DOCK8: variants seen among roughly 807,000 people sequenced by gnomAD.
DOCK8 encodes the protein dedicator of cytokinesis 8.
Under a neutral mutation model 245.6 loss-of-function variants are expected in DOCK8, and 141 were observed. The observed-to-expected ratio is 0.57, with a 90% CI of 0.50 to 0.66. DOCK8 has a LOEUF of 0.66. Ranked by LOEUF, DOCK8 falls within the 30% of genes least tolerant of loss-of-function variation. DOCK8 has a pLI of 0.00. For missense variants in DOCK8, 2,965 were observed against 2,603.4 expected (o/e 1.14, Z -3.02); for synonymous variants, 1,168 against 970.2 (o/e 1.20, Z -3.79).
chr9:371,981 A>T lies in DOCK8; in HGVS notation c.2008-204A>T, dbSNP rs191559946. ...AGAAAAATGCTACTGCTTTAGCTCCAAAAGCAATAAATCATCAATATTACC... is the reference window on the plus strand; with the variant it reads ...AGAAAAATGCTACTGCTTTAGCTCCTAAAGCAATAAATCATCAATATTACC... On this transcript the variant is annotated intron_variant, in intron 17 of 47. Coordinates refer to ENST00000432829, the MANE Select transcript of DOCK8 (RefSeq NM_203447.4). Among the ~76,000 whole-genome samples, 14 of 152,372 alleles carry T rather than the reference A, an allele frequency of 9.2e-5. 1 individual carries two copies. The East Asian group carries it at 2.7e-3, about 29-fold the overall frequency.
chr9:417,515 A>G (rs1176316405), intron 29 of DOCK8, among the ~76,000 whole-genome samples: 2 of 152,192 alleles, frequency 1.3e-5, no homozygotes, highest in Non-Finnish European at 2.9e-5. Context: ...TTTTGATTGT[A>G]TACTGGTAGC....
Position 400,932 on chromosome 9 carries a change from C to T in DOCK8, c.3234+1673C>T, listed in dbSNP as rs557538052. On this transcript the variant is annotated intron_variant, in intron 26 of 47. Transcript: ENST00000432829. The stretch of plus-strand genomic sequence containing the variant: ...AACAGCTCCTTCACCATCACCACAA[C>T]ATCCACCACCACCATCACCACCACC... Among the ~76,000 whole-genome samples the T allele has an allele frequency of 9.0e-3, 422 of 46,902 alleles. 13 individuals are homozygous for T. Among genetic ancestry groups the T allele is most frequent in the African/African-American group, 0.054 (156 of 2,866 alleles). 30.8% of individuals were successfully genotyped at this position (46,902 alleles called of 152,430 possible).
At chr9:292,237 G>T (rs1202993457) in intron 4 of DOCK8, among the ~76,000 whole-genome samples, 1 of 150,668 alleles carries the variant, frequency 6.6e-6, no homozygotes, top group African/African-American at 2.4e-5. Flanking sequence ...GGGCATGGTG[G>T]TGCATGTCTG....
chr9:224,214 A>G (rs2046942909), intron 1 of DOCK8, among the ~76,000 whole-genome samples: 1 of 152,190 alleles, frequency 6.6e-6, no homozygotes, highest in South Asian at 2.1e-4. Flanking sequence ...ACTCCTTAAT[A>G]TTATAACCAC....
At position 407,032 on chromosome 9, in the gene DOCK8, AC is replaced by A. The variant is rs113944762; in HGVS notation, c.3494del (p.Thr1165LysfsTer29). On this transcript the variant is annotated frameshift_variant, in exon 28 of 48. Coordinates refer to ENST00000432829, the MANE Select transcript of DOCK8 (RefSeq NM_203447.4). LOFTEE classifies it high-confidence loss of function. ...QQHFLTGLLF[T>X]ELAAALDAEG... Reference sequence around the variant, plus strand: ...GCACTTCCTCACCGGGCTCCTCTTCACAGAACTGGCTGCTGCCCTGGATGCC... The same window carrying A: ...GCACTTCCTCACCGGGCTCCTCTTCAAGAACTGGCTGCTGCCCTGGATGCC... 6.2e-7 allele frequency: 1 copy of A among 1,613,908 alleles called. No homozygotes were observed. The highest frequency in any genetic ancestry group is 8.5e-7 in the Non-Finnish European group (1 of 1,180,016).
chr9:219,295 C>A (rs189943955), intron 1 of DOCK8, among the ~76,000 whole-genome samples: 15 of 152,138 alleles, frequency 9.9e-5, no homozygotes, highest in Non-Finnish European at 1.6e-4. Context: ...CATGGCGAAA[C>A]CCCGTCTCTA....
intron 4 of DOCK8, among the ~76,000 whole-genome samples, chr9:293,213 C>A (rs2049119575): frequency 6.6e-6 from 1 of 152,150 alleles, no homozygotes; most frequent in Admixed American, 6.6e-5. Flanking sequence ...TTCTATCCCT[C>A]TGCCTCATTC....
intron 1 of DOCK8, among the ~76,000 whole-genome samples, chr9:265,141 A>G (rs903418268): frequency 2.0e-5 from 3 of 152,192 alleles, no homozygotes; most frequent in Non-Finnish European, 4.4e-5. Flanking sequence ...CATGTTGGCC[A>G]GGCTGGTCTT....
At chr9:437,435 T>C (rs1481772832) in intron 39 of DOCK8, among the ~76,000 whole-genome samples, 2 of 152,204 alleles carry the variant, frequency 1.3e-5, no homozygotes, top group Non-Finnish European at 2.9e-5. Flanking sequence ...GAACATCTGA[T>C]CCTGTGCTCA....
At position 360,816 on chromosome 9, in the gene DOCK8, A is replaced by G. The variant is rs545994392; in HGVS notation, c.1680-7202A>G. On this transcript the variant is annotated intron_variant, in intron 14 of 47. Transcript: ENST00000432829. ...TCAAGCACTTGGTAACTGGTAAGCA[A>G]ATGGATTTTAGTCACTAAATGGAGC... 9.6e-4 allele frequency among the ~76,000 whole-genome samples: 146 copies of G among 152,224 alleles called. 1 individual carries two copies. The highest frequency in any genetic ancestry group is 3.4e-3 in the Middle Eastern group (1 of 294).
At chr9:407,405 G>C (rs1390291064) in intron 28 of DOCK8, among the ~76,000 whole-genome samples, 1 of 152,200 alleles carries the variant, frequency 6.6e-6, no homozygotes, top group Non-Finnish European at 1.5e-5. Flanking sequence ...TTTAACAAAG[G>C]GGATAGCATG....
At position 382,484 on chromosome 9, in the gene DOCK8, T is replaced by C. The variant is rs2053761229; in HGVS notation, c.2606-29T>C. The C allele has an allele frequency of 3.1e-6, 5 of 1,612,954 alleles. No homozygotes were observed. In the East Asian group the frequency reaches 1.1e-4, roughly 36 times the overall value. On this transcript the variant is annotated intron_variant, in intron 21 of 47. Coordinates refer to ENST00000432829, the MANE Select transcript of DOCK8 (RefSeq NM_203447.4). ...GTAAGTAACTCTGTTCCCCTGTCTGTTGACATGTCTCTGCCTGGTGGGGTG... is the reference window on the plus strand; with the variant it reads ...GTAAGTAACTCTGTTCCCCTGTCTGCTGACATGTCTCTGCCTGGTGGGGTG...
rs2047902250 is a variant in DOCK8, at chr9:260,870, C to G, written c.54-10757C>G. Among the ~76,000 whole-genome samples the G allele has an allele frequency of 1.1e-4, 16 of 152,240 alleles. 1 individual carries two copies. The South Asian group carries it at 3.3e-3, about 32-fold the overall frequency. Reference sequence around the variant, plus strand: ...CTCCTCCATAATAAAAAGGAATGAACAATGGGTGAACACTACAACATAGAC... The same window carrying G: ...CTCCTCCATAATAAAAAGGAATGAAGAATGGGTGAACACTACAACATAGAC... On this transcript the variant is annotated intron_variant, in intron 1 of 47. Transcript: ENST00000432829.
At chr9:319,879 TCTCAG>T (rs1303751717) in intron 7 of DOCK8, among the ~76,000 whole-genome samples, 1 of 152,230 alleles carries the variant, frequency 6.6e-6, no homozygotes, top group African/African-American at 2.4e-5. Flanking sequence ...TGAAAAGTAA[TCTCAG>T]CTCTTAGGAG....
intron 24 of DOCK8, among the ~76,000 whole-genome samples, chr9:390,852 C>A (rs2054161568): frequency 6.6e-6 from 1 of 152,156 alleles, no homozygotes; most frequent in Non-Finnish European, 1.5e-5. Context: ...CTTTTTCCTG[C>A]CTGTATCCAT....
chr9:458,066 C>T (rs2057697091), intron 46 of DOCK8: 1 of 152,172 alleles, frequency 6.6e-6, no homozygotes, highest in South Asian at 2.1e-4. Context: ...TATTCAGTTG[C>T]TAGTAACAGA....
rs1157734404 is a variant in DOCK8, at chr9:451,928, T to C, written c.5962-83T>C. On this transcript the variant is annotated intron_variant, in intron 45 of 47. Transcript: ENST00000432829. ...ATACATATGCATATACATATATATG[T>C]ATGTGTATATATATATGTGTGTGTG... 2.3e-4 allele frequency: 70 copies of C among 302,766 alleles called. No individual in the cohort carries two copies. In the East Asian group the frequency reaches 3.6e-3, roughly 16 times the overall value. 18.8% of individuals were successfully genotyped at this position (302,766 alleles called of 1,614,324 possible).
At chr9:395,608 C>T (rs561325732) in intron 24 of DOCK8, among the ~76,000 whole-genome samples, 95 of 152,056 alleles carry the variant, frequency 6.2e-4, no homozygotes, top group African/African-American at 2.2e-3. Context: ...TACATGAAAA[C>T]GTTTTCAGAG....
intron 4 of DOCK8, among the ~76,000 whole-genome samples, chr9:291,467 A>G (rs1307155263): frequency 1.3e-5 from 2 of 152,192 alleles, no homozygotes; most frequent in African/African-American, 4.8e-5. Flanking sequence ...TAAGATTATA[A>G]TATCATTTTT....
Sources: allele counts gnomAD v4.1 joint callset (sites outside exome capture counted in the v4.1 genomes callset), GRCh38; gene constraint gnomAD v4.1.1; transcripts MANE v1.5; gene names NCBI Gene and HGNC (gene_info 2026-07-23, HGNC 2026-07-21).